The following ATP2A1 variants were observed in gnomAD, a reference collection of about 807,000 sequenced individuals.
The protein encoded by ATP2A1 is sarcoplasmic/endoplasmic reticulum calcium ATPase 1.
Under a neutral mutation model 109.5 loss-of-function variants are expected in ATP2A1, and 83 were observed. The observed-to-expected ratio is 0.76, with a 90% CI of 0.63 to 0.91. The LOEUF (loss-of-function observed/expected upper bound fraction) is 0.91, where lower values mean the gene tolerates loss of function less well. Ranked by LOEUF, ATP2A1 falls within the 40% of genes least tolerant of loss-of-function variation. The pLI is 0.00. For synonymous variants in ATP2A1, 505 were observed against 537.6 expected, an observed-to-expected ratio of 0.94 and a Z score of 0.84; for missense variants, 1,101 against 1,341.0, an observed-to-expected ratio of 0.82 and a Z score of 2.80.
chr16:28,879,629 G>A (rs368264574), intron 3 of ATP2A1, 46 bp downstream of exon 3: 5 of 1,585,828 alleles, frequency 3.2e-6, no homozygotes, highest in African/African-American at 1.3e-5. Context: ...GTGTGAGGCT[G>A]GGATCGGGCG....
intron 14 of ATP2A1, among the ~76,000 whole-genome samples, chr16:28,899,971 CAAAACAAAAACA>C (rs1265528175): frequency 1.7e-5 from 2 of 115,520 alleles, no homozygotes; most frequent in Non-Finnish European, 3.6e-5. Flanking sequence ...TCTCAAAAAA[CAAAACAAAAACA>C]AAAACAAAAA....
intron 6 of ATP2A1, among the ~76,000 whole-genome samples, chr16:28,886,433 G>A (rs542464974): frequency 1.3e-5 from 2 of 152,148 alleles, no homozygotes; most frequent in Non-Finnish European, 2.9e-5. Context: ...GCAAGGGCTA[G>A]GCTGGCCCAG....
rs890492425 is a variant in ATP2A1, at chr16:28,883,542, T to C, written c.463+953T>C. On this transcript the variant is annotated intron_variant, in intron 5 of 22. Transcript: ENST00000395503. This position sits in a 1 kb window ranked among gnomAD's most constrained non-coding sequence, Gnocchi z 5.2. ...TAGAAACAGAGGGAAAGGAAAGCGA[T>C]TGGACCCTGTCCCCAGTACCATCCG... Among the ~76,000 whole-genome samples the C allele has an allele frequency of 1.3e-5, 2 of 152,186 alleles. No individual in the cohort carries two copies. Among genetic ancestry groups the C allele is most frequent in the African/African-American group, 4.8e-5 (2 of 41,436 alleles).
chr16:28,899,642 C>G (rs1421651631), intron 14 of ATP2A1, among the ~76,000 whole-genome samples: 6 of 13,164 alleles, frequency 4.6e-4, no homozygotes, highest in African/African-American at 4.6e-4. Flanking sequence ...CCATCCCCTG[C>G]GCCCGCCCCC....
intron 9 of ATP2A1, 63 bp downstream of exon 9, chr16:28,889,016 T>G: frequency 4.4e-6 from 7 of 1,588,124 alleles, no homozygotes; most frequent in East Asian, 2.2e-5. Flanking sequence ...AAATGGGCCC[T>G]CCAAAGATAG....
Position 28,880,154 on chromosome 16 carries a change from C to T in ATP2A1, c.219+571C>T. 1 of 992,140 alleles carries T rather than the reference C, an allele frequency of 1.0e-6. No individual in the cohort carries two copies. Among genetic ancestry groups the T allele is most frequent in the Non-Finnish European group, 1.2e-6 (1 of 834,778 alleles). The allele number at this position is 992,140 out of a possible 1,614,324, so 61.5% of individuals were successfully genotyped here. On this transcript the variant is annotated intron_variant, in intron 3 of 22. Transcript: ENST00000395503. This position sits in a 1 kb window ranked among gnomAD's most constrained non-coding sequence, Gnocchi z 4.2. ...CCAGCCTGGCCTTAGCCCTTCCCCGCGCTCCCTAGGCACCCCCACCCCCGC... is the reference window on the plus strand; with the variant it reads ...CCAGCCTGGCCTTAGCCCTTCCCCGTGCTCCCTAGGCACCCCCACCCCCGC...
Position 28,889,036 on chromosome 16 carries a change from T to G in ATP2A1, c.1095+83T>G, listed in dbSNP as rs1173206521. 14 of 1,560,574 alleles carry G rather than the reference T, an allele frequency of 9.0e-6. 2 individuals are homozygous for G. The highest frequency in any genetic ancestry group is 6.7e-5 in the Admixed American group (4 of 59,800). On this transcript the variant is annotated intron_variant, in intron 9 of 22. Coordinates refer to ENST00000395503, the MANE Select transcript of ATP2A1 (RefSeq NM_004320.6). ...GGCCCTCCAAAGATAGAGGTCTCCCTTCATCACTGCTGGCTTCTCATCTGG... is the reference window on the plus strand; with the variant it reads ...GGCCCTCCAAAGATAGAGGTCTCCCGTCATCACTGCTGGCTTCTCATCTGG...
intron 1 of ATP2A1, 47 bp downstream of exon 1, chr16:28,878,836 C>A: frequency 6.3e-7 from 1 of 1,575,358 alleles, no homozygotes; most frequent in Non-Finnish European, 8.7e-7. Context: ...CCCTCCTGCA[C>A]CCCCAAAACA....
chr16:28,899,547 G>A (rs1307574003), intron 14 of ATP2A1, among the ~76,000 whole-genome samples: 2 of 151,004 alleles, frequency 1.3e-5, no homozygotes, highest in Non-Finnish European at 2.9e-5. Flanking sequence ...GCTGAGGCAG[G>A]AGAATCGCTT....
intron 2 of ATP2A1, 124 bp downstream of exon 2, chr16:28,879,240 C>A: frequency 7.6e-7 from 1 of 1,313,940 alleles, no homozygotes; most frequent in Non-Finnish European, 1.1e-6. Flanking sequence ...GCAAATCTCC[C>A]TCCCTAAAGG....
Position 28,902,964 on chromosome 16 carries a change from T to C in ATP2A1, c.2744+53T>C. The C allele has an allele frequency of 3.7e-6, 6 of 1,612,754 alleles. No individual in the cohort carries two copies. Among genetic ancestry groups the C allele is most frequent in the Non-Finnish European group, 5.1e-6 (6 of 1,179,676 alleles). ...CCCTCCCCTGAGGCCACTGCCCACA[T>C]CCTCCACTGTGCCGCCCACCTCCTT... On this transcript the variant is annotated intron_variant, in intron 19 of 22. Coordinates refer to ENST00000395503, the MANE Select transcript of ATP2A1 (RefSeq NM_004320.6). The surrounding 1 kb of genome is among the most constrained non-coding windows in gnomAD (Gnocchi z 4.8).
In ATP2A1 at chr16:28,903,791, G is replaced by A. The variant is rs942960994; in HGVS notation, c.*37+50G>A. 37 of 1,538,634 alleles carry A rather than the reference G, an allele frequency of 2.4e-5. 1 individual carries two copies. The highest frequency in any genetic ancestry group is 8.2e-5 in the African/African-American group (6 of 73,318). ...CCCAGCTGCTGTGCCCCTGCCACCCGCGCCCCCTCAGCCCCTTGCGCGTCG... is the reference window on the plus strand; with the variant it reads ...CCCAGCTGCTGTGCCCCTGCCACCCACGCCCCCTCAGCCCCTTGCGCGTCG... On this transcript the variant is annotated intron_variant, in intron 22 of 22. Transcript: ENST00000395503. The surrounding 1 kb of genome is among the most constrained non-coding windows in gnomAD (Gnocchi z 5.6).
Position 28,903,320 on chromosome 16 carries a change from C to T in ATP2A1, c.2863-3C>T. Reference sequence around the variant, plus strand: ...CTGAGAGGGCGCTTGTCCCCTGCCCCAGATGATCTTCAAGCTCCGGGCCCT... The same window carrying T: ...CTGAGAGGGCGCTTGTCCCCTGCCCTAGATGATCTTCAAGCTCCGGGCCCT... On this transcript the variant is annotated splice_polypyrimidine_tract_variant and splice_region_variant and intron_variant, in intron 20 of 22. Transcript: ENST00000395503. This position sits in a 1 kb window ranked among gnomAD's most constrained non-coding sequence, Gnocchi z 5.6. The T allele has an allele frequency of 6.2e-7, 1 of 1,613,320 alleles. No homozygotes were observed. Among genetic ancestry groups the T allele is most frequent in the Non-Finnish European group, 8.5e-7 (1 of 1,179,330 alleles).
intron 4 of ATP2A1, 122 bp downstream of exon 4, chr16:28,881,141 C>T: frequency 9.9e-7 from 1 of 1,012,976 alleles, no homozygotes; most frequent in South Asian, 1.3e-5. Context: ...GGTCCTATCC[C>T]CTGGTCTGGA....
chr16:28,884,696 TG>T, intron 6 of ATP2A1, 41 bp downstream of exon 6: 1 of 1,563,384 alleles, frequency 6.4e-7, no homozygotes. Flanking sequence ...GGGTGGGACG[TG>T]GGGAGGAAGA....
In ATP2A1 at chr16:28,900,607, G is replaced by T; in HGVS notation, c.1791G>T (p.Val597=). 6.3e-7 allele frequency: 1 copy of T among 1,578,850 alleles called. No homozygotes were observed. Among genetic ancestry groups the T allele is most frequent in the Non-Finnish European group, 8.6e-7 (1 of 1,159,292 alleles). Residue 597 remains valine (V), a synonymous_variant, in exon 15 of 23, where the codon GTG becomes GTT. Transcript: ENST00000395503. ...YETDLTFVGV[V]GMLDPPRKEV... is the part of the protein sequence containing the mutation. Reference sequence around the variant, plus strand: ...CGGACCTGACATTCGTGGGTGTAGTGGGCATGCTGGACCCTCCGCGCAAGG... The same window carrying T: ...CGGACCTGACATTCGTGGGTGTAGTTGGCATGCTGGACCCTCCGCGCAAGG...
intron 12 of ATP2A1, among the ~76,000 whole-genome samples, chr16:28,895,803 G>A (rs1963904940): frequency 6.6e-6 from 1 of 152,188 alleles, no homozygotes; most frequent in African/African-American, 2.4e-5. Flanking sequence ...GGTCAAGGCT[G>A]CAGCAAGCAG....
Position 28,903,425 on chromosome 16 carries a change from CG to C in ATP2A1, c.2967del (p.Asn990ThrfsTer3), listed in dbSNP as rs965824550. 3.1e-6 allele frequency: 5 copies of C among 1,613,612 alleles called. No individual in the cohort carries two copies. The South Asian group carries it at 3.3e-5, about 11-fold the overall frequency. Reference sequence around the variant, plus strand: ...CGACGAAATCCTCAAGTTCGTTGCTCGGAACTACCTAGAGGGTAAGGAGTGC... The same window carrying C: ...CGACGAAATCCTCAAGTTCGTTGCTCGAACTACCTAGAGGGTAAGGAGTGC... ...GLDEILKFVA[R>X]NYLEG is the part of the protein sequence containing the mutation. On this transcript the variant is annotated frameshift_variant, in exon 21 of 23. Coordinates refer to ENST00000395503, the MANE Select transcript of ATP2A1 (RefSeq NM_004320.6). LOFTEE classifies it high-confidence loss of function. This position sits in a 1 kb window ranked among gnomAD's most constrained non-coding sequence, Gnocchi z 5.6.
chr16:28,898,358 C>T lies in ATP2A1; in HGVS notation c.1671C>T (p.Asp557=), dbSNP rs776468914. 2.5e-6 allele frequency: 4 copies of T among 1,614,096 alleles called. No homozygotes were observed. The highest frequency in any genetic ancestry group is 1.7e-5 in the Admixed American group (1 of 60,002). ...TCAAGGAGTGGGGCACTGGCCGGGA[C>T]ACCCTGCGCTGCTTGGCCCTGGCCA... ...AVIKEWGTGR[D]TLRCLALATR... The change falls in exon 14 of 23, where the codon GAC becomes GAT. Residue 557 remains aspartate (D), a synonymous_variant. Coordinates refer to ENST00000395503, the MANE Select transcript of ATP2A1 (RefSeq NM_004320.6). The surrounding 1 kb of genome is among the most constrained non-coding windows in gnomAD (Gnocchi z 4.0).
Sources: allele counts gnomAD v4.1 joint callset (sites outside exome capture counted in the v4.1 genomes callset), GRCh38; gene constraint gnomAD v4.1.1; non-coding constraint Gnocchi (gnomAD v3.1); transcripts MANE v1.5; gene names NCBI Gene and HGNC (gene_info 2026-07-23, HGNC 2026-07-21).